The following TRPC4 variants were observed in gnomAD, a reference collection of about 807,000 sequenced individuals.
The protein encoded by TRPC4 is short transient receptor potential channel 4.
Under a neutral mutation model 99.4 loss-of-function variants are expected in TRPC4, and 49 were observed. That is an observed-to-expected ratio of 0.49 (90% CI 0.39 to 0.63). The LOEUF (loss-of-function observed/expected upper bound fraction) is 0.63, where lower values mean the gene tolerates loss of function less well. TRPC4 is among the 20% of genes least tolerant of loss of function. The pLI, the probability that TRPC4 is intolerant of heterozygous loss-of-function variation, is 0.00. For synonymous variants in TRPC4, 454 were observed against 425.9 expected, an observed-to-expected ratio of 1.07 and a Z score of -0.81; for missense variants, 898 against 1,152.9, an observed-to-expected ratio of 0.78 and a Z score of 3.20.
intron 3 of TRPC4, among the ~76,000 whole-genome samples, chr13:37,736,729 T>C (rs1955405840): frequency 6.6e-6 from 1 of 151,842 alleles, no homozygotes; most frequent in Admixed American, 6.6e-5. Flanking sequence ...AAAAACAAAC[T>C]TTTTTCTTTT....
chr13:37,853,615 A>G (rs1051892870), intron 1 of TRPC4, among the ~76,000 whole-genome samples: 1 of 152,206 alleles, frequency 6.6e-6, no homozygotes, highest in Non-Finnish European at 1.5e-5. Flanking sequence ...AAACAGAGAC[A>G]TGTGACCTTT....
At chr13:37,864,503 A>G (rs1231915314) in intron 1 of TRPC4, among the ~76,000 whole-genome samples, 1 of 151,724 alleles carries the variant, frequency 6.6e-6, no homozygotes, top group Non-Finnish European at 1.5e-5. Flanking sequence ...TGGCATCATT[A>G]TATAAAAATA....
intron 8 of TRPC4, among the ~76,000 whole-genome samples, chr13:37,645,328 G>A (rs1396871545): frequency 6.6e-6 from 1 of 152,136 alleles, no homozygotes; most frequent in Non-Finnish European, 1.5e-5. Flanking sequence ...GGTTTCTTTA[G>A]AGCAGGGAAG....
chr13:37,690,204 T>C (rs1397789018), intron 4 of TRPC4, among the ~76,000 whole-genome samples: 1 of 152,232 alleles, frequency 6.6e-6, no homozygotes, highest in African/African-American at 2.4e-5. Flanking sequence ...TTAATTTAAA[T>C]GAAACAGGGG....
intron 1 of TRPC4, among the ~76,000 whole-genome samples, chr13:37,816,416 C>T (rs1399122893): frequency 6.6e-6 from 1 of 151,900 alleles, no homozygotes; most frequent in Non-Finnish European, 1.5e-5. Context: ...AACTCTCCAG[C>T]CAAAACAACA....
intron 4 of TRPC4, among the ~76,000 whole-genome samples, chr13:37,675,104 C>T (rs1027953376): frequency 1.3e-5 from 2 of 151,996 alleles, no homozygotes; most frequent in Non-Finnish European, 2.9e-5. Flanking sequence ...AATATGATGT[C>T]ATAACTACAT....
chr13:37,838,782 T>C (rs1958645117), intron 1 of TRPC4, among the ~76,000 whole-genome samples: 1 of 152,176 alleles, frequency 6.6e-6, no homozygotes, highest in Non-Finnish European at 1.5e-5. Context: ...AAGTTAAGAA[T>C]ATATATACAC....
chr13:37,849,450 T>C (rs1306443330), intron 1 of TRPC4, among the ~76,000 whole-genome samples: 1 of 152,010 alleles, frequency 6.6e-6, no homozygotes, highest in Non-Finnish European at 1.5e-5. Flanking sequence ...AGGAACAAAG[T>C]CAAAACCAAG....
At chr13:37,733,632 A>G (rs945465365) in intron 3 of TRPC4, among the ~76,000 whole-genome samples, 1 of 152,102 alleles carries the variant, frequency 6.6e-6, no homozygotes, top group African/African-American at 2.4e-5. Context: ...TTTTATAACA[A>G]CTAGGTTCCT....
intron 4 of TRPC4, among the ~76,000 whole-genome samples, chr13:37,674,753 C>T (rs1842551871): frequency 6.6e-6 from 1 of 152,116 alleles, no homozygotes; most frequent in African/African-American, 2.4e-5. Context: ...TCATGAAAAT[C>T]AGTGTATCTA....
At chr13:37,691,576 G>T (rs1333097406) in intron 4 of TRPC4, among the ~76,000 whole-genome samples, 1 of 152,130 alleles carries the variant, frequency 6.6e-6, no homozygotes, top group Admixed American at 6.5e-5. Flanking sequence ...TGAATGGATT[G>T]ATTTTTTCAA....
chr13:37,717,347 A>G (rs1954712449), intron 3 of TRPC4, among the ~76,000 whole-genome samples: 1 of 152,170 alleles, frequency 6.6e-6, no homozygotes, highest in Non-Finnish European at 1.5e-5. Flanking sequence ...TTGGCTACTT[A>G]ATAGTAGGAA....
At chr13:37,812,311 C>G (rs764220796) in intron 1 of TRPC4, among the ~76,000 whole-genome samples, 1 of 150,464 alleles carries the variant, frequency 6.6e-6, no homozygotes, top group Non-Finnish European at 1.5e-5. Context: ...TAGTATCTAT[C>G]ATCTAATCAA....
At chr13:37,694,937 C>T (rs1953859011) in intron 3 of TRPC4, among the ~76,000 whole-genome samples, 2 of 152,096 alleles carry the variant, frequency 1.3e-5, no homozygotes, top group Non-Finnish European at 1.5e-5. Flanking sequence ...CTCCTTTCGA[C>T]CAAACATGCT....
chr13:37,686,958 CTTTCT>C (rs1424682667), intron 4 of TRPC4, among the ~76,000 whole-genome samples: 3 of 151,600 alleles, frequency 2.0e-5, no homozygotes, highest in Admixed American at 6.6e-5. Context: ...AAAGTTCTTT[CTTTCT>C]TTTCTTTTCT....
intron 8 of TRPC4, among the ~76,000 whole-genome samples, chr13:37,644,766 A>T (rs1035964291): frequency 6.6e-6 from 1 of 151,424 alleles, no homozygotes; most frequent in South Asian, 2.1e-4. Flanking sequence ...CCAGCTACTC[A>T]GGAGGCTAAG....
chr13:37,739,896 T>TA (rs1288205681), intron 3 of TRPC4, among the ~76,000 whole-genome samples: 1 of 152,126 alleles, frequency 6.6e-6, no homozygotes, highest in Non-Finnish European at 1.5e-5. Flanking sequence ...TTTACAGGCA[T>TA]AATAAAATAG....
At chr13:37,723,552 GT>G (rs1218173418) in intron 3 of TRPC4, among the ~76,000 whole-genome samples, 6 of 152,096 alleles carry the variant, frequency 3.9e-5, no homozygotes, top group Non-Finnish European at 5.9e-5. Flanking sequence ...GCAAATTATT[GT>G]TTTTTTGTTT....
chr13:37,819,433 C>A (rs908124229), intron 1 of TRPC4, among the ~76,000 whole-genome samples: 2 of 151,902 alleles, frequency 1.3e-5, no homozygotes, highest in African/African-American at 2.4e-5. Context: ...AACATAAATG[C>A]CCATCAATGA....
Sources: allele counts gnomAD v4.1 joint callset (sites outside exome capture counted in the v4.1 genomes callset), GRCh38; gene constraint gnomAD v4.1.1; transcripts MANE v1.5; gene names NCBI Gene and HGNC (gene_info 2026-07-23, HGNC 2026-07-21).